The following SMCO4 variants were observed in gnomAD, a reference collection of about 807,000 sequenced individuals.
SMCO4 encodes single-pass membrane and coiled-coil domain-containing protein 4.
SMCO4 carries 4 observed loss-of-function variants against 3.6 expected under a neutral mutation model. The observed-to-expected ratio is 1.11, with a 90% CI of 0.54 to 2.53. The LOEUF (loss-of-function observed/expected upper bound fraction) is 2.53. SMCO4 is among the 30% of genes most tolerant of loss of function. The probability of loss-of-function intolerance (pLI) is 0.02; values close to 1 mark genes in which losing one functional copy is unlikely to be tolerated. For synonymous variants in SMCO4, 36 were observed against 35.3 expected (o/e 1.02, Z -0.07); for missense variants, 70 against 80.8 (o/e 0.87, Z 0.51).
intron 2 of SMCO4, among the ~76,000 whole-genome samples, chr11:93,480,722 TGAG>T (rs895533643): frequency 2.0e-5 from 3 of 152,132 alleles, no homozygotes; most frequent in African/African-American, 7.2e-5. Flanking sequence ...GTCATCATCT[TGAG>T]GAGGAAGATG....
chr11:93,545,930 A>C (rs1156805908), upstream of SMCO4, among the ~76,000 whole-genome samples: 1 of 152,226 alleles, frequency 6.6e-6, no homozygotes, highest in African/African-American at 2.4e-5. Context: ...CTTGAAGAGG[A>C]AAGACCCTGA....
intron 1 of SMCO4, among the ~76,000 whole-genome samples, chr11:93,503,885 G>A (rs546798610): frequency 6.6e-6 from 1 of 152,190 alleles, no homozygotes; most frequent in Non-Finnish European, 1.5e-5. Flanking sequence ...AGCAGCAACA[G>A]GAAACTAATA....
At chr11:93,538,847 A>G (rs1346442316) in intron 1 of SMCO4, among the ~76,000 whole-genome samples, 1 of 152,114 alleles carries the variant, frequency 6.6e-6, no homozygotes, top group Non-Finnish European at 1.5e-5. Context: ...TACTTTAATG[A>G]ACTAGTTTCT....
At chr11:93,546,187 C>A (rs1256984927), upstream of SMCO4, among the ~76,000 whole-genome samples, 1 of 152,258 alleles carries the variant, frequency 6.6e-6, no homozygotes, top group African/African-American at 2.4e-5. Flanking sequence ...AGAATCAGTA[C>A]TCTTGCTAGC....
At chr11:93,537,698 G>A (rs994028636) in intron 1 of SMCO4, 20 of 151,816 alleles carry the variant, frequency 1.3e-4, no homozygotes, top group Admixed American at 6.6e-4. Context: ...TGTCTGGCAC[G>A]GGTTCTTACC....
chr11:93,553,110 A>G, the SMCO4 span, among the ~76,000 whole-genome samples: 2 of 152,246 alleles, frequency 1.3e-5, no homozygotes, highest in Non-Finnish European at 2.9e-5. Context: ...ACATGGTTCC[A>G]AAGTCCATTT....
At chr11:93,544,994 T>C (rs1473310871), upstream of SMCO4, among the ~76,000 whole-genome samples, 1 of 152,196 alleles carries the variant, frequency 6.6e-6, no homozygotes, top group South Asian at 2.1e-4. Flanking sequence ...GTTTGAGCTG[T>C]AGCTCCACAC....
intron 1 of SMCO4, chr11:93,535,477 G>A: frequency 7.1e-7 from 1 of 1,405,920 alleles, no homozygotes. Context: ...CGATGGTGTT[G>A]TTGGAGAGCG....
chr11:93,553,236 G>T, the SMCO4 span, among the ~76,000 whole-genome samples: 1 of 152,204 alleles, frequency 6.6e-6, no homozygotes, highest in Non-Finnish European at 1.5e-5. Context: ...ATGGGTGGGT[G>T]TCAGGGTTCA....
chr11:93,535,947 A>G, intron 1 of SMCO4: 1 of 1,471,424 alleles, frequency 6.8e-7, no homozygotes, highest in Non-Finnish European at 9.2e-7. Context: ...TCTTTTTGGA[A>G]AGAATAGTTG....
At chr11:93,502,115 A>T (rs1452374688) in intron 1 of SMCO4, among the ~76,000 whole-genome samples, 3 of 151,972 alleles carry the variant, frequency 2.0e-5, no homozygotes, top group Non-Finnish European at 2.9e-5. Context: ...TGCAGGAGCT[A>T]CCCCTTCCCC....
chr11:93,536,278 C>T (rs1949223652), intron 1 of SMCO4, among the ~76,000 whole-genome samples: 1 of 152,158 alleles, frequency 6.6e-6, no homozygotes, highest in Non-Finnish European at 1.5e-5. Flanking sequence ...GGTACTGCTG[C>T]AACATTTTAA....
chr11:93,518,985 A>G (rs1949033859), intron 1 of SMCO4, among the ~76,000 whole-genome samples: 1 of 152,238 alleles, frequency 6.6e-6, no homozygotes, highest in Admixed American at 6.5e-5. Context: ...TCAAAAAATG[A>G]CAGCACTCTT....
At chr11:93,511,068 C>CA (rs1220264490) in intron 1 of SMCO4, among the ~76,000 whole-genome samples, 3 of 151,992 alleles carry the variant, frequency 2.0e-5, no homozygotes, top group Non-Finnish European at 2.9e-5. Context: ...CACTGCACTC[C>CA]AGCCTGAGAG....
chr11:93,536,012 T>C (rs914215845), intron 1 of SMCO4, among the ~76,000 whole-genome samples: 1 of 152,218 alleles, frequency 6.6e-6, no homozygotes. Flanking sequence ...ATTTGGCTAA[T>C]TGGTCTGTGC....
intron 1 of SMCO4, among the ~76,000 whole-genome samples, chr11:93,532,720 C>T (rs184146037): frequency 4.3e-4 from 65 of 152,244 alleles, no homozygotes; most frequent in Non-Finnish European, 3.8e-4. Flanking sequence ...ATACCAAGGA[C>T]GGCCAGCAAC....
intron 1 of SMCO4, among the ~76,000 whole-genome samples, chr11:93,539,509 A>G (rs1387266975): frequency 6.6e-6 from 1 of 152,242 alleles, no homozygotes; most frequent in Non-Finnish European, 1.5e-5. Flanking sequence ...AAAAGCTCAC[A>G]AAGACGACAC....
rs58177836 is a variant in SMCO4, at chr11:93,478,713, G to GCA, written c.*295_*296dup. ...ATCGATTTTTAGGAGAGAAAAAGAA[G>GCA]CACACACACACACACACACACACAC... On this transcript the variant is annotated 3_prime_UTR_variant, in exon 3 of 3. Coordinates refer to ENST00000298966, the MANE Select transcript of SMCO4 (RefSeq NM_020179.3). 12,388 of 225,590 alleles carry GCA rather than the reference G, an allele frequency of 0.055. 305 individuals are homozygous for GCA. The highest frequency in any genetic ancestry group is 0.069 in the Non-Finnish European group (8,850 of 128,220). The allele number at this position is 225,590 out of a possible 1,614,324, so 14.0% of individuals were successfully genotyped here.
intron 2 of SMCO4, chr11:93,481,506 G>T (rs74937610): frequency 3.0e-6 from 3 of 985,248 alleles, no homozygotes; most frequent in Non-Finnish European, 3.6e-6. Context: ...CGGCGAATTC[G>T]TGCTAGCTGA....
Sources: gnomAD v4.1 joint callset for allele counts (sites outside exome capture counted in the v4.1 genomes callset) on GRCh38, gnomAD v4.1.1 for gene constraint, MANE v1.5 for transcripts, NCBI Gene and HGNC (gene_info 2026-07-23, HGNC 2026-07-21) for gene names.